Variants in ITGB8 observed in about 807,000 individuals in gnomAD.
ITGB8 encodes the protein integrin subunit beta 8.
Under a neutral mutation model 89.5 loss-of-function variants are expected in ITGB8, and 30 were observed. The observed-to-expected ratio is 0.34, with a 90% CI of 0.25 to 0.45. ITGB8 has a LOEUF of 0.45. Ranked by LOEUF, ITGB8 falls within the 20% of genes least tolerant of loss-of-function variation. The pLI is 1.00. For synonymous variants in ITGB8, 335 were observed against 320.4 expected (o/e 1.05, Z -0.49); for missense variants, 836 against 933.3 (o/e 0.90, Z 1.36).
rs1787809965 is a variant in ITGB8 at position 20,412,825 on chromosome 7, C to T, written c.*2828C>T. ...TAGAATTAATTAAATGGTAAGGGAA[C>T]ACAGGGTACTCTTAGGTTAAATAAT... is the stretch of plus-strand genomic sequence containing the variant. On this transcript the variant is annotated 3_prime_UTR_variant, in exon 14 of 14. Coordinates refer to ENST00000222573, the MANE Select transcript of ITGB8 (RefSeq NM_002214.3). 1 of 152,550 alleles carries T rather than the reference C, an allele frequency of 6.6e-6. No individual in the cohort carries two copies. The highest frequency in any genetic ancestry group is 6.5e-5 in the Admixed American group (1 of 15,278). 9.4% of individuals were successfully genotyped at this position (152,550 alleles called of 1,614,324 possible). A position where few individuals can be genotyped will look rare whatever the true frequency, so the allele number is the denominator to read the frequency against.
chr7:20,401,221 C>T (rs923446580), intron 9 of ITGB8, among the ~76,000 whole-genome samples: 2 of 152,086 alleles, frequency 1.3e-5, no homozygotes, highest in Non-Finnish European at 2.9e-5. Flanking sequence ...TCAAGTGATC[C>T]AACCGCCTAA....
chr7:20,406,414 G>C (rs1787544847), intron 12 of ITGB8, among the ~76,000 whole-genome samples: 1 of 152,074 alleles, frequency 6.6e-6, no homozygotes, highest in Non-Finnish European at 1.5e-5. Context: ...GCCAGGCGCA[G>C]TGGCGGGCAC....
chr7:20,373,316 A>C (rs946752447), intron 3 of ITGB8, among the ~76,000 whole-genome samples: 6 of 152,166 alleles, frequency 3.9e-5, no homozygotes, highest in African/African-American at 1.4e-4. Context: ...AAATGATAAC[A>C]GAAATAGACT....
Position 20,331,596 on chromosome 7 carries a change from G to C in ITGB8, c.-211G>C, listed in dbSNP as rs1454394985. On this transcript the variant is annotated 5_prime_UTR_variant, in exon 1 of 14. Coordinates refer to ENST00000222573, the MANE Select transcript of ITGB8 (RefSeq NM_002214.3). ...GAGACCGCGGGACCCGCCGTGCCGAGCCGGGAGGGCCGCAGGGGCCCTGAG... is the reference window on the plus strand; with the variant it reads ...GAGACCGCGGGACCCGCCGTGCCGACCCGGGAGGGCCGCAGGGGCCCTGAG... 1.4e-5 allele frequency: 7 copies of C among 494,174 alleles called. No individual in the cohort carries two copies. Among genetic ancestry groups the C allele is most frequent in the African/African-American group, 2.0e-5 (1 of 49,598 alleles). 30.6% of individuals were successfully genotyped at this position (494,174 alleles called of 1,614,324 possible). A position where few individuals can be genotyped will look rare whatever the true frequency, so the allele number is the denominator to read the frequency against.
intron 3 of ITGB8, among the ~76,000 whole-genome samples, chr7:20,373,702 G>C (rs886904097): frequency 6.6e-6 from 1 of 152,110 alleles, no homozygotes; most frequent in African/African-American, 2.4e-5. Flanking sequence ...ATTATAAACT[G>C]GTCCCATTTG....
intron 6 of ITGB8, among the ~76,000 whole-genome samples, chr7:20,382,499 A>G (rs1786439986): frequency 6.6e-6 from 1 of 152,190 alleles, no homozygotes. Context: ...GGCATTATCT[A>G]ATTCTAGTTG....
chr7:20,380,959 T>C, intron 5 of ITGB8, 128 bp downstream of exon 5: 1 of 753,312 alleles, frequency 1.3e-6, no homozygotes, highest in Non-Finnish European at 2.2e-6. Flanking sequence ...TACTATCTCT[T>C]ACTCCTCACC....
At chr7:20,356,031 TC>T (rs1167539877) in intron 1 of ITGB8, among the ~76,000 whole-genome samples, 1 of 152,202 alleles carries the variant, frequency 6.6e-6, no homozygotes, top group Non-Finnish European at 1.5e-5. Context: ...CGGTAATGTA[TC>T]TTCTCTACTA....
At chr7:20,342,621 AG>A (rs1784799147) in intron 1 of ITGB8, among the ~76,000 whole-genome samples, 2 of 152,120 alleles carry the variant, frequency 1.3e-5, no homozygotes, top group South Asian at 4.1e-4. Context: ...AGAATCTGAG[AG>A]GGTTTTGCCA....
In ITGB8 at chr7:20,343,190, T is replaced by G. The variant is rs74347371; in HGVS notation, c.127+11257T>G. Among the ~76,000 whole-genome samples, 195 of 152,362 alleles carry G rather than the reference T, an allele frequency of 1.3e-3. 8 individuals carry two copies. In the East Asian group the frequency reaches 0.033, roughly 26 times the overall value. ...TGTTGGATATTGGCAGACAATTTCA[T>G]GTCTCTGAACAGCTTTGCTGCCGTT... On this transcript the variant is annotated intron_variant, in intron 1 of 13. Transcript: ENST00000222573.
rs771018909 is a variant in ITGB8 at position 20,331,881 on chromosome 7, G to C, written c.75G>C (p.Ser25=). ...AAAACGACCGGCGAGGTCCCGCCTC[G>C]TTCCTCTGGGCAGCCTGGGTGTTTT... ...CLQNDRRGPA[S]FLWAAWVFSL... The change falls in exon 1 of 14, where the codon TCG becomes TCC. Residue 25 remains serine (S), a synonymous_variant. Coordinates refer to ENST00000222573, the MANE Select transcript of ITGB8 (RefSeq NM_002214.3). 20 of 1,614,032 alleles carry C rather than the reference G, an allele frequency of 1.2e-5. No homozygotes were observed. Among genetic ancestry groups the C allele is most frequent in the Non-Finnish European group, 1.7e-5 (20 of 1,180,048 alleles).
At chr7:20,404,483 G>C in intron 10 of ITGB8, 145 bp from the exon 11 acceptor site, 1 of 702,934 alleles carries the variant, frequency 1.4e-6, no homozygotes, top group Non-Finnish European at 2.5e-6. Flanking sequence ...CACTGTTTGT[G>C]TCAGACCAAT....
chr7:20,333,228 A>G (rs1482877019), intron 1 of ITGB8, among the ~76,000 whole-genome samples: 1 of 152,054 alleles, frequency 6.6e-6, no homozygotes, highest in Non-Finnish European at 1.5e-5. Flanking sequence ...TTTCAGGGAG[A>G]TTTGCTCAGT....
chr7:20,403,394 A>G (rs1187248951), intron 10 of ITGB8, among the ~76,000 whole-genome samples: 1 of 152,188 alleles, frequency 6.6e-6, no homozygotes, highest in Non-Finnish European at 1.5e-5. Flanking sequence ...TTGCAGTGAA[A>G]TATCGAATGT....
At chr7:20,358,733 A>G (rs187434559) in intron 1 of ITGB8, among the ~76,000 whole-genome samples, 133 of 152,232 alleles carry the variant, frequency 8.7e-4, no homozygotes, top group Non-Finnish European at 7.4e-4. Flanking sequence ...TTTATTTTAG[A>G]TACAGAGTGT....
Position 20,331,670 on chromosome 7 carries a change from C to T in ITGB8, c.-137C>T, listed in dbSNP as rs1784399971. 3.7e-6 allele frequency: 4 copies of T among 1,079,116 alleles called. No homozygotes were observed. The highest frequency in any genetic ancestry group is 5.0e-6 in the Non-Finnish European group (4 of 792,674). The allele number at this position is 1,079,116 out of a possible 1,614,324, so 66.8% of individuals were successfully genotyped here. ...CTTACCTGCACCGCTTGCTCCGAGCCGCGGGGTCCGCCTGCTAGGCCTGCG... is the reference window on the plus strand; with the variant it reads ...CTTACCTGCACCGCTTGCTCCGAGCTGCGGGGTCCGCCTGCTAGGCCTGCG... On this transcript the variant is annotated 5_prime_UTR_variant, in exon 1 of 14. Coordinates refer to ENST00000222573, the MANE Select transcript of ITGB8 (RefSeq NM_002214.3).
chr7:20,401,600 T>G, intron 9 of ITGB8, 121 bp from the exon 10 acceptor site: 1 of 590,236 alleles, frequency 1.7e-6, no homozygotes. Flanking sequence ...GTGTTTCTTT[T>G]ACAAATATCG....
At chr7:20,376,192 GTCCTTT>G (rs1786136300) in intron 3 of ITGB8, among the ~76,000 whole-genome samples, 1 of 152,120 alleles carries the variant, frequency 6.6e-6, no homozygotes, top group African/African-American at 2.4e-5. Flanking sequence ...CATTTCTGCT[GTCCTTT>G]TCATGTAGCC....
At chr7:20,404,568 A>C (rs1343067067) in intron 10 of ITGB8, 60 bp from the exon 11 acceptor site, 4 of 1,440,900 alleles carry the variant, frequency 2.8e-6, no homozygotes, top group Non-Finnish European at 3.8e-6. Flanking sequence ...TCCATGGTTG[A>C]AAACTCTTTA....
Sources: allele counts gnomAD v4.1 joint callset (sites outside exome capture counted in the v4.1 genomes callset), GRCh38; gene constraint gnomAD v4.1.1; transcripts MANE v1.5; gene names NCBI Gene and HGNC (gene_info 2026-07-23, HGNC 2026-07-21).